The following GSG1L variants were observed in gnomAD, a reference collection of about 807,000 sequenced individuals.
GSG1L encodes the protein germ cell-specific gene 1-like protein.
Under a neutral mutation model 42.1 loss-of-function variants are expected in GSG1L, and 24 were observed. The observed-to-expected ratio is 0.57, with a 90% CI of 0.41 to 0.80. The LOEUF (loss-of-function observed/expected upper bound fraction) is 0.80. Ranked by LOEUF, GSG1L falls within the 30% of genes least tolerant of loss-of-function variation. The pLI is 0.00. For missense variants in GSG1L, 445 were observed against 472.2 expected (o/e 0.94, Z 0.53); for synonymous variants, 215 against 203.5 (o/e 1.06, Z -0.48).
intron 2 of GSG1L, among the ~76,000 whole-genome samples, chr16:27,947,667 A>G (rs1244098588): frequency 6.6e-6 from 1 of 152,198 alleles, no homozygotes; most frequent in African/African-American, 2.4e-5. Flanking sequence ...GGATGAGTAT[A>G]CTCAGTGAGT....
intron 2 of GSG1L, among the ~76,000 whole-genome samples, chr16:27,953,418 G>C (rs192716284): frequency 9.9e-5 from 15 of 152,208 alleles, no homozygotes; most frequent in Non-Finnish European, 1.5e-4. Flanking sequence ...TTGCTCTATA[G>C]TTTTCCATTA....
intron 3 of GSG1L, among the ~76,000 whole-genome samples, chr16:27,875,889 A>G (rs923617010): frequency 3.3e-5 from 5 of 152,134 alleles, no homozygotes; most frequent in African/African-American, 4.8e-5. Context: ...CCTGACTGAG[A>G]ATGATACTAA....
intron 2 of GSG1L, among the ~76,000 whole-genome samples, chr16:27,948,251 G>C (rs1305356626): frequency 6.6e-6 from 1 of 152,166 alleles, no homozygotes; most frequent in African/African-American, 2.4e-5. Context: ...AACTACCTGG[G>C]CCTCAGTTTC....
intron 2 of GSG1L, chr16:27,888,235 G>T (rs978459713): frequency 4.3e-6 from 2 of 464,580 alleles, no homozygotes; most frequent in Non-Finnish European, 5.7e-6. Flanking sequence ...CGCTTCCCCC[G>T]CCCCTCTCCT....
At chr16:27,965,406 T>C (rs932446561) in intron 1 of GSG1L, among the ~76,000 whole-genome samples, 4 of 152,210 alleles carry the variant, frequency 2.6e-5, no homozygotes, top group South Asian at 2.1e-4. Flanking sequence ...TAGAGACTAA[T>C]ATACAATATT....
At chr16:27,982,076 T>A (rs2085332221) in intron 1 of GSG1L, among the ~76,000 whole-genome samples, 1 of 152,148 alleles carries the variant, frequency 6.6e-6, no homozygotes, top group South Asian at 2.1e-4. Flanking sequence ...TGCTAAGAAG[T>A]AGCTGCCCTG....
chr16:27,888,934 A>ATAGATATAGATATAGAT (rs1555506442), intron 2 of GSG1L, among the ~76,000 whole-genome samples: 2 of 69,538 alleles, frequency 2.9e-5, no homozygotes, highest in Non-Finnish European at 6.6e-5. Flanking sequence ...TTAGATAGAT[A>ATAGATATAGATATAGAT]TAGATATAGA....
At chr16:27,992,100 C>G (rs2085463774) in intron 1 of GSG1L, among the ~76,000 whole-genome samples, 1 of 152,186 alleles carries the variant, frequency 6.6e-6, no homozygotes, top group Admixed American at 6.5e-5. Context: ...ATAGATGACC[C>G]TCGTCAAGAT....
intron 3 of GSG1L, among the ~76,000 whole-genome samples, chr16:27,856,066 C>T (rs945107265): frequency 2.0e-5 from 3 of 152,070 alleles, no homozygotes; most frequent in African/African-American, 4.8e-5. Context: ...CATTTGGGGA[C>T]AGAGAAGGCT....
At chr16:27,965,345 T>A (rs1210003509) in intron 1 of GSG1L, among the ~76,000 whole-genome samples, 2 of 152,118 alleles carry the variant, frequency 1.3e-5, no homozygotes, top group Admixed American at 6.5e-5. Context: ...AAATTTAATT[T>A]AATTAAATTT....
intron 3 of GSG1L, among the ~76,000 whole-genome samples, chr16:27,848,988 G>T (rs1001744121): frequency 6.6e-6 from 1 of 152,022 alleles, no homozygotes; most frequent in African/African-American, 2.4e-5. Flanking sequence ...CTGAGGTCAG[G>T]GGTTCGAAAC....
At chr16:27,850,076 T>C (rs1005741315) in intron 3 of GSG1L, among the ~76,000 whole-genome samples, 2 of 118,964 alleles carry the variant, frequency 1.7e-5, no homozygotes, top group African/African-American at 6.9e-5. Context: ...TCACCCAGGC[T>C]GGAGTGCAGT....
At chr16:27,856,531 T>C (rs2083579624) in intron 3 of GSG1L, among the ~76,000 whole-genome samples, 2 of 152,164 alleles carry the variant, frequency 1.3e-5, no homozygotes, top group South Asian at 4.1e-4. Context: ...CCCGGGATGG[T>C]CTCAAACTCC....
At chr16:27,903,970 C>T (rs781055206) in intron 2 of GSG1L, among the ~76,000 whole-genome samples, 1 of 152,144 alleles carries the variant, frequency 6.6e-6, no homozygotes, top group African/African-American at 2.4e-5. Context: ...CCTCCAGGCA[C>T]CCTGGCCCAC....
At chr16:27,997,560 T>G (rs551857698) in intron 1 of GSG1L, among the ~76,000 whole-genome samples, 190 of 152,158 alleles carry the variant, frequency 1.2e-3, no homozygotes, top group African/African-American at 4.1e-3. Flanking sequence ...AAATCCTTAA[T>G]GTAATCACAT....
chr16:28,025,127 T>C (rs1183106059), intron 1 of GSG1L, among the ~76,000 whole-genome samples: 1 of 152,146 alleles, frequency 6.6e-6, no homozygotes, highest in African/African-American at 2.4e-5. Flanking sequence ...GGATGCATCA[T>C]GGCTCAGCAG....
At chr16:28,051,369 T>C (rs2086220344) in intron 1 of GSG1L, among the ~76,000 whole-genome samples, 1 of 152,226 alleles carries the variant, frequency 6.6e-6, no homozygotes, top group Admixed American at 6.5e-5. Context: ...GGTCTCTCCC[T>C]GCAGAGACTT....
At chr16:27,892,153 AATGT>A (rs958432697) in intron 2 of GSG1L, among the ~76,000 whole-genome samples, 1 of 151,914 alleles carries the variant, frequency 6.6e-6, no homozygotes, top group African/African-American at 2.4e-5. Context: ...CCCATTTTTA[AATGT>A]ACATGTAAAA....
rs562995411 is a variant in GSG1L at position 27,972,079 on chromosome 16, G to C, written c.350-8876C>G. On this transcript the variant is annotated intron_variant, in intron 1 of 6. Transcript: ENST00000447459. ...ATGTCAGAATTTCCTACCAGAACCA[G>C]ATGTTCCCACCATGGACAGCTGGGG... is the stretch of plus-strand genomic sequence containing the variant. Among the ~76,000 whole-genome samples, 26 of 152,324 alleles carry C rather than the reference G, an allele frequency of 1.7e-4. No individual in the cohort carries two copies. The South Asian group carries it at 5.2e-3, about 30-fold the overall frequency.
Sources: gnomAD v4.1 joint callset for allele counts (sites outside exome capture counted in the v4.1 genomes callset) on GRCh38, gnomAD v4.1.1 for gene constraint, MANE v1.5 for transcripts, NCBI Gene and HGNC (gene_info 2026-07-23, HGNC 2026-07-21) for gene names.